PALS1: variants seen among roughly 807,000 people sequenced by gnomAD.
PALS1 encodes the protein protein associated with LIN7 1, MAGUK p55 family member, also known as protein PALS1.
In PALS1, 31 loss-of-function variants were observed where a neutral mutation model predicts 78.9. That is an observed-to-expected ratio of 0.39 (90% CI 0.30 to 0.53). PALS1 has a LOEUF of 0.53. Ranked by LOEUF, PALS1 falls within the 20% of genes least tolerant of loss-of-function variation. The pLI is 0.67. For missense variants in PALS1, 704 were observed against 826.5 expected (o/e 0.85, Z 1.82); for synonymous variants, 276 against 270.9 (o/e 1.02, Z -0.18).
At chr14:67,272,800 A>G (rs1193082108) in intron 2 of PALS1, among the ~76,000 whole-genome samples, 2 of 152,164 alleles carry the variant, frequency 1.3e-5, no homozygotes, top group Non-Finnish European at 2.9e-5. Context: ...CTGGGACTAC[A>G]GGCACAAGCC....
intron 1 of PALS1, among the ~76,000 whole-genome samples, chr14:67,242,207 T>G (rs1416289744): frequency 6.6e-6 from 1 of 152,242 alleles, no homozygotes. Flanking sequence ...ACTCACCTTC[T>G]GTTGATTGAC....
At chr14:67,301,623 A>T (rs1439799404) in intron 5 of PALS1, among the ~76,000 whole-genome samples, 157 bp downstream of exon 5, 1 of 152,206 alleles carries the variant, frequency 6.6e-6, no homozygotes, top group Non-Finnish European at 1.5e-5. Context: ...GTTGGATTAT[A>T]TATTTTCAGA....
chr14:67,283,697 C>T (rs1472032993), intron 3 of PALS1, among the ~76,000 whole-genome samples: 1 of 148,444 alleles, frequency 6.7e-6, no homozygotes, highest in Non-Finnish European at 1.5e-5. Context: ...GTGATTTAGT[C>T]AGGTTGCTAA....
At chr14:67,277,197 T>A (rs1045510585) in intron 2 of PALS1, among the ~76,000 whole-genome samples, 1 of 152,228 alleles carries the variant, frequency 6.6e-6, no homozygotes, top group Non-Finnish European at 1.5e-5. Flanking sequence ...ATAGCTGTCA[T>A]GTTAATGAAA....
At chr14:67,286,672 C>G (rs966321782) in intron 3 of PALS1, among the ~76,000 whole-genome samples, 10 of 144,418 alleles carry the variant, frequency 6.9e-5, no homozygotes, top group African/African-American at 2.3e-4. Flanking sequence ...CCTGGGCAAC[C>G]TGGTGAAACT....
At chr14:67,291,528 C>T (rs754181728) in intron 3 of PALS1, among the ~76,000 whole-genome samples, 3 of 152,156 alleles carry the variant, frequency 2.0e-5, no homozygotes, top group East Asian at 1.9e-4. Context: ...CATGATCTAC[C>T]TGTCTGGGCC....
At chr14:67,280,850 T>TCCCAC (rs1567518312) in intron 3 of PALS1, among the ~76,000 whole-genome samples, 9 of 120,118 alleles carry the variant, frequency 7.5e-5, no homozygotes, top group African/African-American at 3.6e-4. Flanking sequence ...CTTCCTTCCT[T>TCCCAC]CCTTCCCTCC....
chr14:67,318,662 T>A lies in PALS1; in HGVS notation c.1369+1183T>A, dbSNP rs536942737. Among the ~76,000 whole-genome samples the A allele has an allele frequency of 1.4e-3, 220 of 152,322 alleles. 4 individuals are homozygous for A. Among genetic ancestry groups the A allele is most frequent in the Non-Finnish European group, 2.6e-3 (174 of 68,030 alleles). On this transcript the variant is annotated intron_variant, in intron 11 of 14. Transcript: ENST00000261681. ...ATGATGTCATCATCATGAATATTTT[T>A]AAATAAATAACTACAATTCATAATA...
chr14:67,277,940 TG>T (rs1380431103), intron 2 of PALS1, among the ~76,000 whole-genome samples: 2 of 152,198 alleles, frequency 1.3e-5, no homozygotes, highest in African/African-American at 2.4e-5. Flanking sequence ...GTGATCTTTT[TG>T]CTGTACAGTA....
At chr14:67,242,535 A>G (rs963876349) in intron 1 of PALS1, among the ~76,000 whole-genome samples, 1 of 152,216 alleles carries the variant, frequency 6.6e-6, no homozygotes, top group African/African-American at 2.4e-5. Context: ...AAATTATGCA[A>G]TAGGAACAAA....
chr14:67,308,740 TTTTATACC>T (rs1341439708), intron 8 of PALS1, among the ~76,000 whole-genome samples: 3 of 152,040 alleles, frequency 2.0e-5, no homozygotes, highest in African/African-American at 4.8e-5. Context: ...GCTAATTTTG[TTTTATACC>T]TTTATCAATT....
intron 3 of PALS1, among the ~76,000 whole-genome samples, chr14:67,285,293 T>G (rs1349764918): frequency 1.3e-5 from 2 of 152,152 alleles, no homozygotes; most frequent in Non-Finnish European, 2.9e-5. Flanking sequence ...AAGCTATCTG[T>G]TTTCATATGG....
intron 3 of PALS1, among the ~76,000 whole-genome samples, chr14:67,283,590 C>T (rs961404082): frequency 6.6e-6 from 1 of 152,038 alleles, no homozygotes; most frequent in Non-Finnish European, 1.5e-5. Context: ...TTAGCCATTC[C>T]TTCAGGGAAT....
rs756905943 is a variant in PALS1, at chr14:67,292,699, G to A, written c.556G>A (p.Ala186Thr). 44 of 1,613,174 alleles carry A rather than the reference G, an allele frequency of 2.7e-5. No individual in the cohort carries two copies. The highest frequency in any genetic ancestry group is 3.7e-5 in the Non-Finnish European group (44 of 1,179,516). The change falls in exon 4 of 15, where the codon GCA (alanine) becomes ACA (threonine). Residue 186 changes from alanine to threonine, a missense_variant. By Grantham distance (58) the Ala-to-Thr change is moderately conservative. Transcript: ENST00000261681. ...ASPPFPLISNAQDLAQEVQTV... is the reference protein window; with the variant it reads ...ASPPFPLISNTQDLAQEVQTV... ...TCCTCCATTTCCTCTTATCTCCAACGCACAAGATCTTGCTCAAGAGGTATG... is the reference window on the plus strand; with the variant it reads ...TCCTCCATTTCCTCTTATCTCCAACACACAAGATCTTGCTCAAGAGGTATG...
intron 1 of PALS1, among the ~76,000 whole-genome samples, chr14:67,242,221 C>T (rs2083917102): frequency 6.6e-6 from 1 of 152,148 alleles, no homozygotes; most frequent in South Asian, 2.1e-4. Flanking sequence ...GATTGACATA[C>T]AGTAATGTGT....
chr14:67,332,171 C>T (rs138124333), intron 14 of PALS1, among the ~76,000 whole-genome samples: 1 of 152,246 alleles, frequency 6.6e-6, no homozygotes, highest in African/African-American at 2.4e-5. Context: ...ACCCATGTGC[C>T]TGATAATTAG....
intron 2 of PALS1, chr14:67,270,084 G>C (rs1364377235): frequency 6.6e-6 from 1 of 152,166 alleles, no homozygotes; most frequent in Non-Finnish European, 1.5e-5. Flanking sequence ...TTGGATTTCT[G>C]CTGACCTGTC....
At position 67,303,560 on chromosome 14, in the gene PALS1, C is replaced by T. The variant is rs2084958920; in HGVS notation, c.1002C>T (p.Pro334=). The change falls in exon 8 of 15, where the codon CCC becomes CCT. Residue 334 remains proline (P), a synonymous_variant. Transcript: ENST00000261681. ...MHGTLTFVLI[P]SQQIKPPPAK... ...GTACTTTGACTTTTGTCCTGATTCC[C>T]AGTCAACAGATCAAGCCGCCTCCTG... The T allele has an allele frequency of 6.2e-7, 1 of 1,613,780 alleles. No homozygotes were observed. Among genetic ancestry groups the T allele is most frequent in the Non-Finnish European group, 8.5e-7 (1 of 1,179,766 alleles).
At chr14:67,278,930 G>T (rs117777678) in intron 2 of PALS1, 88 bp from the exon 3 acceptor site, 2 of 325,286 alleles carry the variant, frequency 6.1e-6, no homozygotes, top group Non-Finnish European at 1.1e-5. Flanking sequence ...TATTTTCTAC[G>T]TTGTATGGTG....
Sources: gnomAD v4.1 joint callset for allele counts (sites outside exome capture counted in the v4.1 genomes callset) on GRCh38, gnomAD v4.1.1 for gene constraint, MANE v1.5 for transcripts, NCBI Gene and HGNC (gene_info 2026-07-23, HGNC 2026-07-21) for gene names.